The following SSC4D variants were observed in gnomAD, a reference collection of about 807,000 sequenced individuals.
SSC4D encodes scavenger receptor cysteine-rich domain-containing group B protein.
In SSC4D, 57 loss-of-function variants were observed where a neutral mutation model predicts 63.4. The ratio of observed to expected loss-of-function variants is 0.90; its 90% CI spans 0.73 to 1.12. SSC4D has a LOEUF of 1.12. Among genes scored for constraint, SSC4D ranks in the 50% most tolerant of loss-of-function variants. SSC4D has a pLI of 0.00. For missense variants in SSC4D, 791 were observed against 806.4 expected, an observed-to-expected ratio of 0.98 and a Z score of 0.23; for synonymous variants, 352 against 345.4, an observed-to-expected ratio of 1.02 and a Z score of -0.21.
chr7:76,400,348 C>T lies in SSC4D; in HGVS notation c.413G>A (p.Gly138Asp), dbSNP rs142522233. 4 of 1,534,898 alleles carry T rather than the reference C, an allele frequency of 2.6e-6. No individual in the cohort carries two copies. The highest frequency in any genetic ancestry group is 2.8e-5 in the African/African-American group (2 of 71,356). ...RGQEAALSEC[G>D]SRGWGVHNCF... ...ATTGTGGACGCCCCAGCCGCGGCTG[C>T]CGCACTCGCTCAGCGCAGCTTCCTG... The change falls in exon 4 of 11, where the codon GGC (glycine) becomes GAC (aspartate). Residue 138 changes from glycine (G) to aspartate (D), a missense_variant. Gly to Asp is a moderately conservative substitution (Grantham distance 94). Transcript: ENST00000275560.
rs922558280 is a variant in SSC4D, at chr7:76,392,179, C to T, written c.1334-138G>A. 73 of 781,030 alleles carry T rather than the reference C, an allele frequency of 9.3e-5. No individual in the cohort carries two copies. In the African/African-American group the frequency reaches 1.2e-3, roughly 12 times the overall value. 48.4% of individuals were successfully genotyped at this position (781,030 alleles called of 1,614,324 possible). ...GACTTCACAGGTTCCTGAAGAACTG[C>T]TCCCCTTGATCAGAAATGCGGGTTG... On this transcript the variant is annotated intron_variant, in intron 9 of 10. Transcript: ENST00000275560.
At position 76,397,928 on chromosome 7, in the gene SSC4D, T is replaced by G. The variant is rs1584023119; in HGVS notation, c.554-96A>C. The G allele has an allele frequency of 7.2e-6, 9 of 1,252,620 alleles. No homozygotes were observed. In the East Asian group the frequency reaches 2.4e-4, roughly 33 times the overall value. 77.6% of individuals were successfully genotyped at this position (1,252,620 alleles called of 1,614,324 possible). On this transcript the variant is annotated intron_variant, in intron 5 of 10. Coordinates refer to ENST00000275560, the MANE Select transcript of SSC4D (RefSeq NM_080744.2). ...CCCGGTGTCCCAGGATCTACAACCC[T>G]TGGGCATCTGCTCACCCCGCTGCCC...
intron 1 of SSC4D, among the ~76,000 whole-genome samples, chr7:76,406,226 C>T (rs574577746): frequency 6.6e-6 from 1 of 152,230 alleles, no homozygotes; most frequent in Non-Finnish European, 1.5e-5. Context: ...GATCCACGCG[C>T]CTCAGCCTCC....
intron 1 of SSC4D, among the ~76,000 whole-genome samples, chr7:76,404,919 C>T (rs953895690): frequency 1.3e-5 from 2 of 150,790 alleles, no homozygotes; most frequent in Non-Finnish European, 3.0e-5. Flanking sequence ...AAAATACAAA[C>T]ATTTGCCAGG....
rs1209380453 is a variant in SSC4D at position 76,400,398 on chromosome 7, C to A, written c.363G>T (p.Leu121=). Residue 121 remains leucine, a synonymous_variant, in exon 4 of 11, where the codon CTG becomes CTT. Transcript: ENST00000275560. ...LAFGQGRGPI[L]LDNVECRGQE... The stretch of plus-strand genomic sequence containing the variant: ...GCCCGCGGCACTCCACGTTGTCCAG[C>A]AGGATGGGGCCTCGGCCTTGGCCAA... 1 of 1,599,998 alleles carries A rather than the reference C, an allele frequency of 6.3e-7. No individual in the cohort carries two copies. The highest frequency in any genetic ancestry group is 8.5e-7 in the Non-Finnish European group (1 of 1,170,528).
At chr7:76,393,221 T>C (rs1804532783) in intron 9 of SSC4D, among the ~76,000 whole-genome samples, 184 bp downstream of exon 9, 1 of 151,746 alleles carries the variant, frequency 6.6e-6, no homozygotes. Flanking sequence ...GGCTCTCCGT[T>C]CCGGCCTCGC....
chr7:76,397,980 G>T, intron 5 of SSC4D, 148 bp from the exon 6 acceptor site: 2 of 822,556 alleles, frequency 2.4e-6, no homozygotes, highest in Non-Finnish European at 1.8e-6. Flanking sequence ...GGTCCAGACT[G>T]GGGGTAGCTT....
chr7:76,394,852 T>C (rs919304974), intron 7 of SSC4D, among the ~76,000 whole-genome samples: 4 of 143,858 alleles, frequency 2.8e-5, no homozygotes, highest in African/African-American at 8.0e-5. Flanking sequence ...ATAAGATATA[T>C]ATAATATATA....
In SSC4D at chr7:76,406,653, A is replaced by AT. The variant is rs531575447; in HGVS notation, c.-66-2149dup. Among the ~76,000 whole-genome samples the AT allele has an allele frequency of 4.9e-4, 74 of 150,478 alleles. 1 individual carries two copies. The highest frequency in any genetic ancestry group is 1.7e-3 in the African/African-American group (70 of 40,960). On this transcript the variant is annotated intron_variant, in intron 1 of 10. Transcript: ENST00000275560. Reference sequence around the variant, plus strand: ...CTTGCACCACCACACCCAGCTAATTATTTTTCTTTTTTTCTTTTTAGTAGA... The same window carrying AT: ...CTTGCACCACCACACCCAGCTAATTATTTTTTCTTTTTTTCTTTTTAGTAGA...
chr7:76,391,942 T>G, intron 10 of SSC4D, 22 bp downstream of exon 10: 3 of 1,580,192 alleles, frequency 1.9e-6, no homozygotes, highest in Non-Finnish European at 2.6e-6. Context: ...CCACCCACTT[T>G]CAGGGGATTA....
intron 1 of SSC4D, among the ~76,000 whole-genome samples, chr7:76,407,675 G>A (rs561547606): frequency 2.6e-4 from 39 of 152,238 alleles, no homozygotes; most frequent in Admixed American, 9.2e-4. Context: ...CAAGGCTGCA[G>A]TTAGCCATGA....
At chr7:76,402,296 C>T (rs1490182864) in intron 2 of SSC4D, among the ~76,000 whole-genome samples, 2 of 151,716 alleles carry the variant, frequency 1.3e-5, no homozygotes, top group African/African-American at 4.8e-5. Context: ...TCTCCCACCT[C>T]AGCCTCCCGA....
chr7:76,405,712 G>A (rs576610867), intron 1 of SSC4D, among the ~76,000 whole-genome samples: 3 of 152,230 alleles, frequency 2.0e-5, no homozygotes, highest in Non-Finnish European at 4.4e-5. Flanking sequence ...TGAAAAAGAT[G>A]CTGCTTGGAT....
chr7:76,390,337 C>T lies in SSC4D; in HGVS notation c.1450G>A (p.Gly484Arg), dbSNP rs1480586886. 1.2e-6 allele frequency: 2 copies of T among 1,607,034 alleles called. No individual in the cohort carries two copies. The highest frequency in any genetic ancestry group is 8.5e-7 in the Non-Finnish European group (1 of 1,175,856). The change falls in exon 11 of 11, where the codon GGA becomes AGA. Residue 484 changes from glycine to arginine, a missense_variant. Coordinates refer to ENST00000275560, the MANE Select transcript of SSC4D (RefSeq NM_080744.2). ...TGCCCTAGGTAGAGCTCTACACGTC[C>T]CTCGCATCGGTGGGCTCCATTGACC... is the stretch of plus-strand genomic sequence containing the variant. ...RLVNGAHRCE[G>R]RVELYLGQRW...
chr7:76,400,698 GGGTCTCACTATGTTGCCAAGGCT>G, intron 3 of SSC4D, 107 bp from the exon 4 acceptor site: 1 of 1,253,582 alleles, frequency 8.0e-7, no homozygotes, highest in Non-Finnish European at 1.1e-6. Context: ...GGTAGAGACG[GGGTCTCACTATGTTGCCAAGGCT>G]GGTCTCAAAC....
rs151053756 is a variant in SSC4D, at chr7:76,393,900, T to C, written c.951A>G (p.Thr317=). The C allele has an allele frequency of 3.7e-6, 6 of 1,603,112 alleles. No homozygotes were observed. The highest frequency in any genetic ancestry group is 2.2e-5 in the East Asian group (1 of 44,550). The change falls in exon 8 of 11, where the codon ACA becomes ACG. Residue 317 remains threonine, a synonymous_variant. Transcript: ENST00000275560. ...CCCGGGAAGGCTGGGGGCCAACTCC[T>C]GTAGCTGTGGAGACAGGGCATCTAG... ...DWAWQTDPSA[T]GVGPQPSRET...
chr7:76,400,285 C>T lies in SSC4D; in HGVS notation c.475+1G>A, dbSNP rs773157641. ...CCTCCAGGTCCCAGGGCTCCACTCA[C>T]CATCACACAGGACAGCCACATCCTC... On this transcript the variant is annotated splice_donor_variant, in intron 4 of 10. Transcript: ENST00000275560. LOFTEE classifies it high-confidence loss of function. 14 of 1,472,846 alleles carry T rather than the reference C, an allele frequency of 9.5e-6. No homozygotes were observed. Among genetic ancestry groups the T allele is most frequent in the East Asian group, 2.5e-5 (1 of 39,600 alleles). 91.2% of individuals were successfully genotyped at this position (1,472,846 alleles called of 1,614,324 possible).
chr7:76,395,283 C>T lies in SSC4D; in HGVS notation c.916G>A (p.Glu306Lys), dbSNP rs934346555. 1.9e-6 allele frequency: 3 copies of T among 1,613,816 alleles called. No homozygotes were observed. Among genetic ancestry groups the T allele is most frequent in the Non-Finnish European group, 1.7e-6 (2 of 1,180,050 alleles). ...LTALPSSATR[E>K]DWAWQTDPSA... ...GGATCTGTCTGCCAAGCCCAGTCCT[C>T]TCTTGTGGCTGAGGATGGCAGTGCT... The change falls in exon 7 of 11, where the codon GAG becomes AAG. Residue 306 changes from glutamate (E) to lysine (K), a missense_variant. Physicochemically the swap from Glu to Lys is moderately conservative, Grantham distance 56 (BLOSUM62 1). Transcript: ENST00000275560.
At chr7:76,401,426 C>G (rs933926743) in intron 2 of SSC4D, among the ~76,000 whole-genome samples, 1 of 142,302 alleles carries the variant, frequency 7.0e-6, no homozygotes, top group Non-Finnish European at 1.6e-5. Context: ...CTTTTCTTTT[C>G]TTTTTTTGAG....
Sources: gnomAD v4.1 joint callset for allele counts (sites outside exome capture counted in the v4.1 genomes callset) on GRCh38, gnomAD v4.1.1 for gene constraint, MANE v1.5 for transcripts, NCBI Gene and HGNC (gene_info 2026-07-23, HGNC 2026-07-21) for gene names.